FILIP1L: variants seen among roughly 807,000 people sequenced by gnomAD.
FILIP1L encodes the protein filamin A-interacting protein 1-like.
Under a neutral mutation model 96.6 loss-of-function variants are expected in FILIP1L, and 55 were observed. That is an observed-to-expected ratio of 0.57 (90% confidence interval 0.46 to 0.71). The LOEUF (loss-of-function observed/expected upper bound fraction) is 0.71. FILIP1L is among the 30% of genes least tolerant of loss of function. FILIP1L has a pLI of 0.00. For missense variants in FILIP1L, 1,304 were observed against 1,321.2 expected (o/e 0.99, Z 0.20); for synonymous variants, 467 against 473.9 (o/e 0.99, Z 0.19).
Position 100,047,644 on chromosome 3 carries a change from A to T in FILIP1L, c.-11+66409T>A, listed in dbSNP as rs1308624000. On this transcript the variant is annotated intron_variant, in intron 1 of 5. Coordinates refer to ENST00000477258, the MANE Select transcript of FILIP1L (RefSeq NM_001387850.1). ...TTCAACTGCAGGTGTCTGTCAAGAG[A>T]CAGTAGAGTTTTGTCCTTCTGGAAG... Among the ~76,000 whole-genome samples, 5 of 152,192 alleles carry T rather than the reference A, an allele frequency of 3.3e-5. No homozygotes were observed. In the East Asian group the frequency reaches 7.7e-4, roughly 23 times the overall value.
intron 4 of FILIP1L, among the ~76,000 whole-genome samples, chr3:99,893,732 T>C (rs1223817541): frequency 1.3e-5 from 2 of 152,230 alleles, no homozygotes; most frequent in East Asian, 3.8e-4. Flanking sequence ...AGATAATTTA[T>C]TTTTCTGTGA....
intron 1 of FILIP1L, among the ~76,000 whole-genome samples, chr3:100,003,726 G>T (rs1030026771): frequency 6.6e-6 from 1 of 152,096 alleles, no homozygotes; most frequent in African/African-American, 2.4e-5. Flanking sequence ...ACTTGATCTA[G>T]TGTCTGCCTC....
intron 5 of FILIP1L, among the ~76,000 whole-genome samples, chr3:99,838,934 T>C (rs1943012497): frequency 6.6e-6 from 1 of 152,188 alleles, no homozygotes; most frequent in Non-Finnish European, 1.5e-5. Context: ...TTCTTCACAA[T>C]CAACAGGTCT....
intron 1 of FILIP1L, 125 bp from the exon 2 acceptor site, chr3:99,931,155 G>T (rs1181765934): frequency 5.4e-6 from 4 of 738,952 alleles, no homozygotes; most frequent in Admixed American, 2.6e-5. Context: ...CAATCTTTTT[G>T]ATGTCTACAG....
At chr3:99,838,080 C>T (rs2107499045) in intron 5 of FILIP1L, among the ~76,000 whole-genome samples, 1 of 152,334 alleles carries the variant, frequency 6.6e-6, no homozygotes, top group South Asian at 2.1e-4. Context: ...GATTGCCTGT[C>T]CAAGCTCATT....
rs148723934 is a variant in FILIP1L at position 99,946,354 on chromosome 3, A to C, written c.-10-15324T>G. Among the ~76,000 whole-genome samples the C allele has an allele frequency of 4.6e-3, 696 of 152,360 alleles. 2 individuals carry two copies. Among genetic ancestry groups the C allele is most frequent in the South Asian group, 7.0e-3 (34 of 4,832 alleles). ...ACAACTATCAATGGAGAATTTGGAA[A>C]TTTTTTGTTACGGAAAAGGAGTTTT... is the stretch of plus-strand genomic sequence containing the variant. On this transcript the variant is annotated intron_variant, in intron 1 of 5. Transcript: ENST00000477258.
chr3:100,028,581 TA>T (rs1441077710), intron 1 of FILIP1L, among the ~76,000 whole-genome samples: 1 of 152,196 alleles, frequency 6.6e-6, no homozygotes, highest in Non-Finnish European at 1.5e-5. Flanking sequence ...CATTATTTTT[TA>T]AAAATAATAT....
intron 1 of FILIP1L, among the ~76,000 whole-genome samples, chr3:99,981,582 T>C (rs1386005334): frequency 1.3e-5 from 2 of 152,210 alleles, no homozygotes; most frequent in African/African-American, 4.8e-5. Flanking sequence ...ATACTAAATA[T>C]GGTATTTAAT....
intron 4 of FILIP1L, among the ~76,000 whole-genome samples, chr3:99,918,308 G>A (rs1559687510): frequency 1.3e-5 from 2 of 152,110 alleles, no homozygotes; most frequent in Admixed American, 1.3e-4. Flanking sequence ...CTAAAGATTT[G>A]AGGAATGGAA....
At chr3:100,002,264 T>G (rs1321539385) in intron 1 of FILIP1L, among the ~76,000 whole-genome samples, 1 of 152,248 alleles carries the variant, frequency 6.6e-6, no homozygotes, top group African/African-American at 2.4e-5. Context: ...GCATCTCTTT[T>G]AAGTTATGAA....
chr3:100,035,092 A>C (rs2065084628), intron 1 of FILIP1L, among the ~76,000 whole-genome samples: 1 of 152,142 alleles, frequency 6.6e-6, no homozygotes, highest in African/African-American at 2.4e-5. Context: ...TGTTATCATA[A>C]ATGTATATTC....
chr3:99,983,039 T>C (rs1709174218), intron 1 of FILIP1L, among the ~76,000 whole-genome samples: 1 of 151,124 alleles, frequency 6.6e-6, no homozygotes, highest in Non-Finnish European at 1.5e-5. Context: ...AGGGAAGTCA[T>C]TGTTCTGTAC....
intron 1 of FILIP1L, among the ~76,000 whole-genome samples, chr3:99,999,878 T>G (rs1395122799): frequency 1.3e-5 from 2 of 152,178 alleles, no homozygotes; most frequent in Non-Finnish European, 2.9e-5. Flanking sequence ...ATTTAATAGT[T>G]CAGTTTCACA....
chr3:100,083,123 A>G (rs1300957657), intron 1 of FILIP1L, among the ~76,000 whole-genome samples: 2 of 152,332 alleles, frequency 1.3e-5, no homozygotes, highest in East Asian at 3.9e-4. Flanking sequence ...AGGGTCAGAC[A>G]TATTGGCAGT....
chr3:99,975,483 T>C (rs756990629), intron 1 of FILIP1L, among the ~76,000 whole-genome samples: 24 of 151,918 alleles, frequency 1.6e-4, no homozygotes, highest in Non-Finnish European at 2.9e-4. Context: ...TCCCAGCTAC[T>C]CGGGAGGCTG....
At chr3:99,973,105 G>A (rs1318609098) in intron 1 of FILIP1L, among the ~76,000 whole-genome samples, 1 of 152,070 alleles carries the variant, frequency 6.6e-6, no homozygotes, top group Non-Finnish European at 1.5e-5. Flanking sequence ...AAAAGATGAA[G>A]GGCAAAATGA....
intron 4 of FILIP1L, among the ~76,000 whole-genome samples, chr3:99,889,168 A>G (rs950450770): frequency 2.0e-5 from 3 of 152,168 alleles, no homozygotes; most frequent in South Asian, 2.1e-4. Context: ...ACTGATTTTT[A>G]TCTGCTTGGT....
intron 1 of FILIP1L, among the ~76,000 whole-genome samples, chr3:100,084,311 G>C (rs1414526786): frequency 2.6e-5 from 4 of 151,920 alleles, no homozygotes; most frequent in Non-Finnish European, 5.9e-5. Flanking sequence ...TGAGTAGAGG[G>C]GTTTTTCATG....
chr3:100,012,254 G>A lies in FILIP1L; in HGVS notation c.-10-81224C>T, dbSNP rs116527855. 7.2e-3 allele frequency among the ~76,000 whole-genome samples: 1,094 copies of A among 152,186 alleles called. 4 individuals are homozygous for A. Among genetic ancestry groups the A allele is most frequent in the African/African-American group, 1.0e-2 (414 of 41,518 alleles). On this transcript the variant is annotated intron_variant, in intron 1 of 5. Coordinates refer to ENST00000477258, the MANE Select transcript of FILIP1L (RefSeq NM_001387850.1). ...ATATCTTTATACTAGAAAGAAGATTGGTAGAATTATTACTTTGTCAACCAA... is the reference window on the plus strand; with the variant it reads ...ATATCTTTATACTAGAAAGAAGATTAGTAGAATTATTACTTTGTCAACCAA...
Sources: gnomAD v4.1 joint callset for allele counts (sites outside exome capture counted in the v4.1 genomes callset) on GRCh38, gnomAD v4.1.1 for gene constraint, MANE v1.5 for transcripts, NCBI Gene and HGNC (gene_info 2026-07-23, HGNC 2026-07-21) for gene names.